The following RFX6 variants were observed in gnomAD, a reference collection of about 807,000 sequenced individuals.
RFX6 encodes DNA-binding protein RFX6.
A neutral mutation model predicts 110.8 loss-of-function variants in RFX6; 50 were observed. That is an observed-to-expected ratio of 0.45 (90% CI 0.36 to 0.57). The LOEUF is 0.57. Ranked by LOEUF, RFX6 falls within the 20% of genes least tolerant of loss-of-function variation. The pLI is 0.00. For missense variants in RFX6, 990 were observed against 1,127.0 expected (o/e 0.88, Z 1.74); for synonymous variants, 383 against 411.2 (o/e 0.93, Z 0.83).
chr6:116,889,001 AAAAGGAAGATT>A (rs1352557463), intron 4 of RFX6, among the ~76,000 whole-genome samples: 2 of 152,244 alleles, frequency 1.3e-5, no homozygotes, highest in East Asian at 3.9e-4. Flanking sequence ...TAGTTAGACT[AAAAGGAAGATT>A]AAAGGGGAAA....
chr6:116,916,431 CT>C lies in RFX6; in HGVS notation c.972+126del, dbSNP rs80305689. 1.3e-3 allele frequency: 900 copies of C among 679,044 alleles called. 3 individuals carry two copies. Among genetic ancestry groups the C allele is most frequent in the African/African-American group, 7.2e-3 (395 of 55,178 alleles). The allele number at this position is 679,044 out of a possible 1,614,324, so 42.1% of individuals were successfully genotyped here. On this transcript the variant is annotated intron_variant, in intron 9 of 18. Coordinates refer to ENST00000332958, the MANE Select transcript of RFX6 (RefSeq NM_173560.4). Reference sequence around the variant, plus strand: ...TTATTTATGGCTGGATATACACTGTCTTTTTTTTTGATGAGAAAGCAAGCAA... The same window carrying C: ...TTATTTATGGCTGGATATACACTGTCTTTTTTTTGATGAGAAAGCAAGCAA...
At chr6:116,891,208 G>T (rs907691135) in intron 4 of RFX6, among the ~76,000 whole-genome samples, 1 of 152,106 alleles carries the variant, frequency 6.6e-6, no homozygotes, top group African/African-American at 2.4e-5. Context: ...GTTCATCATT[G>T]TACTGACAAC....
intron 16 of RFX6, 66 bp downstream of exon 16, chr6:116,925,725 A>C (rs1775709325): frequency 1.0e-5 from 11 of 1,070,614 alleles, no homozygotes; most frequent in Non-Finnish European, 1.4e-5. Flanking sequence ...CATTTTTCTT[A>C]AAACTCATAA....
chr6:116,904,703 A>G (rs1362633124), intron 6 of RFX6, among the ~76,000 whole-genome samples: 1 of 152,124 alleles, frequency 6.6e-6, no homozygotes, highest in Non-Finnish European at 1.5e-5. Context: ...GGCCACTACC[A>G]TTCTACTTTC....
Position 116,916,253 on chromosome 6 carries a change from C to T in RFX6, c.911C>T (p.Pro304Leu). 6.2e-7 allele frequency: 1 copy of T among 1,612,472 alleles called. No homozygotes were observed. The highest frequency in any genetic ancestry group is 8.5e-7 in the Non-Finnish European group (1 of 1,179,310). The change falls in exon 9 of 19, where the codon CCC (proline) becomes CTC (leucine). Residue 304 changes from proline to leucine, a missense_variant. By Grantham distance (98) the Pro-to-Leu change is moderately conservative. Around this residue, in one of 5 missense-constraint regions of RFX6, gnomAD observed 243 missense variants for 353.1 expected, o/e 0.69. Coordinates refer to ENST00000332958, the MANE Select transcript of RFX6 (RefSeq NM_173560.4). ...CAAGGAATGCCTGACCATCTCCTTCCCCTGCTCGAAAATCCTGTTATCATT... is the reference window on the plus strand; with the variant it reads ...CAAGGAATGCCTGACCATCTCCTTCTCCTGCTCGAAAATCCTGTTATCATT... The part of the protein sequence containing the change: ...FWQGMPDHLL[P>L]LLENPVIIDI...
chr6:116,914,701 G>A (rs1377231075), intron 7 of RFX6, among the ~76,000 whole-genome samples: 1 of 152,072 alleles, frequency 6.6e-6, no homozygotes, highest in Non-Finnish European at 1.5e-5. Flanking sequence ...ATGTGTATTG[G>A]GTTGTGGGAA....
At chr6:116,912,721 G>A (rs1046951457) in intron 7 of RFX6, among the ~76,000 whole-genome samples, 1 of 152,082 alleles carries the variant, frequency 6.6e-6, no homozygotes, top group Non-Finnish European at 1.5e-5. Context: ...GACCAAAAAG[G>A]CAAGCAACAA....
intron 17 of RFX6, 66 bp downstream of exon 17, chr6:116,927,605 G>C: frequency 7.7e-7 from 1 of 1,296,958 alleles, no homozygotes; most frequent in Non-Finnish European, 1.1e-6. Context: ...CAGACATTGC[G>C]TTCCACCTCT....
At chr6:116,891,028 C>CA (rs1168184923) in intron 4 of RFX6, among the ~76,000 whole-genome samples, 4 of 152,090 alleles carry the variant, frequency 2.6e-5, no homozygotes, top group African/African-American at 7.2e-5. Flanking sequence ...TAAAATGTAG[C>CA]AATTTTTTTA....
chr6:116,891,397 T>C (rs1193457848), intron 4 of RFX6, among the ~76,000 whole-genome samples: 1 of 152,144 alleles, frequency 6.6e-6, no homozygotes. Flanking sequence ...AACAAGAAAA[T>C]TGAAGTTATA....
chr6:116,889,375 A>G (rs1478254507), intron 4 of RFX6, among the ~76,000 whole-genome samples: 1 of 152,128 alleles, frequency 6.6e-6, no homozygotes, highest in East Asian at 1.9e-4. Context: ...AGGGAAAGAT[A>G]AAATTCTCAT....
At position 116,931,556 on chromosome 6, in the gene RFX6, T is replaced by A. The variant is rs1460820479; in HGVS notation, c.*50T>A. ...AAAACTTTAAAAAAAATCTCTACTG[T>A]GCAAATATCATTATTCACTCAGACT... On this transcript the variant is annotated 3_prime_UTR_variant, in exon 19 of 19. Transcript: ENST00000332958. 1.6e-6 allele frequency: 2 copies of A among 1,287,388 alleles called. No homozygotes were observed. The highest frequency in any genetic ancestry group is 1.1e-6 in the Non-Finnish European group (1 of 899,580). The allele number at this position is 1,287,388 out of a possible 1,614,324, so 79.7% of individuals were successfully genotyped here.
chr6:116,882,597 G>A (rs1774614081), intron 4 of RFX6, among the ~76,000 whole-genome samples, 169 bp downstream of exon 4: 1 of 151,136 alleles, frequency 6.6e-6, no homozygotes, highest in Admixed American at 6.6e-5. Context: ...TTAGAATAAT[G>A]TTTAAAAAGC....
Position 116,931,623 on chromosome 6 carries a change from T to G in RFX6, c.*117T>G. 1.3e-6 allele frequency: 1 copy of G among 766,778 alleles called. No individual in the cohort carries two copies. Among genetic ancestry groups the G allele is most frequent in the Admixed American group, 2.3e-5 (1 of 43,576 alleles). The allele number at this position is 766,778 out of a possible 1,614,324, so 47.5% of individuals were successfully genotyped here. On this transcript the variant is annotated 3_prime_UTR_variant, in exon 19 of 19. Coordinates refer to ENST00000332958, the MANE Select transcript of RFX6 (RefSeq NM_173560.4). ...AAAATGAATATGCAGTGGCTGACAT[T>G]GTTTTAAAGTCACTGGTACTATGGA...
At chr6:116,925,265 T>TA (rs1438545935) in intron 15 of RFX6, among the ~76,000 whole-genome samples, 188 bp from the exon 16 acceptor site, 2 of 152,114 alleles carry the variant, frequency 1.3e-5, no homozygotes, top group Admixed American at 6.5e-5. Context: ...AATATGCAGC[T>TA]AAAAAAAACC....
rs1411795082 is a variant in RFX6 at position 116,927,367 on chromosome 6, C to T, written c.2226C>T (p.Gly742=). ...EQQLSRDFFS[G]SCAGSPYNSR... is the part of the protein sequence containing the mutation. ...AGCTTTCAAGAGACTTCTTCAGTGG[C>T]AGCTGTGCGGGGTCTCCATATAACT... is the stretch of plus-strand genomic sequence containing the variant. Residue 742 remains glycine (G), a synonymous_variant, in exon 17 of 19, where the codon GGC becomes GGT. Coordinates refer to ENST00000332958, the MANE Select transcript of RFX6 (RefSeq NM_173560.4). 1 of 1,613,720 alleles carries T rather than the reference C, an allele frequency of 6.2e-7. No individual in the cohort carries two copies. The highest frequency in any genetic ancestry group is 8.5e-7 in the Non-Finnish European group (1 of 1,179,730).
intron 6 of RFX6, among the ~76,000 whole-genome samples, chr6:116,909,911 A>G: frequency 6.6e-6 from 1 of 151,784 alleles, no homozygotes; most frequent in Non-Finnish European, 1.5e-5. Flanking sequence ...AGGACTCAAA[A>G]GTACTCCCAG....
At chr6:116,877,557 C>T in intron 1 of RFX6, 59 bp downstream of exon 1, 2 of 1,288,138 alleles carry the variant, frequency 1.6e-6, no homozygotes, top group South Asian at 1.4e-5. Context: ...CTAAGAAGGG[C>T]ACCCAATAAT....
intron 18 of RFX6, among the ~76,000 whole-genome samples, chr6:116,930,918 A>G (rs969844117): frequency 3.9e-5 from 6 of 152,130 alleles, no homozygotes; most frequent in Non-Finnish European, 7.4e-5. Flanking sequence ...CTTCAGCAAT[A>G]TCATTCTGGT....
Sources: gnomAD v4.1 joint callset for allele counts (sites outside exome capture counted in the v4.1 genomes callset) on GRCh38, gnomAD v4.1.1 for gene constraint, gnomAD v4.1.1 regional missense constraint, MANE v1.5 for transcripts, NCBI Gene and HGNC (gene_info 2026-07-23, HGNC 2026-07-21) for gene names.